AGO3: variants seen among roughly 807,000 people sequenced by gnomAD.
AGO3 encodes the protein protein argonaute-3.
A neutral mutation model predicts 105.5 loss-of-function variants in AGO3; 16 were observed. That is an observed-to-expected ratio of 0.15 (90% confidence interval 0.10 to 0.23). AGO3 has a LOEUF of 0.23. AGO3 is among the 10% of genes least tolerant of loss of function. The pLI is 1.00. For synonymous variants in AGO3, 340 were observed against 367.3 expected (o/e 0.93, Z 0.85); for missense variants, 534 against 1,088.0 (o/e 0.49, Z 7.16).
intron 11 of AGO3, among the ~76,000 whole-genome samples, chr1:36,014,348 G>C (rs1640775450): frequency 6.6e-6 from 1 of 151,758 alleles, no homozygotes; most frequent in Non-Finnish European, 1.5e-5. Context: ...AGTAGAGATG[G>C]GGTTTCACCA....
chr1:35,972,638 T>C (rs1488210832), intron 4 of AGO3, among the ~76,000 whole-genome samples: 1 of 152,066 alleles, frequency 6.6e-6, no homozygotes, highest in Non-Finnish European at 1.5e-5. Flanking sequence ...TAGGGTATGC[T>C]CCTGTGTGTG....
intron 5 of AGO3, among the ~76,000 whole-genome samples, chr1:35,994,926 A>G (rs1328486564): frequency 6.6e-6 from 1 of 152,002 alleles, no homozygotes; most frequent in Non-Finnish European, 1.5e-5. Flanking sequence ...CTATAAACTC[A>G]ATACAATAGA....
intron 2 of AGO3, among the ~76,000 whole-genome samples, chr1:35,947,153 G>A (rs1309724716): frequency 1.3e-5 from 2 of 152,162 alleles, no homozygotes; most frequent in African/African-American, 4.8e-5. Context: ...AGTAACAAAA[G>A]CATAACGGTT....
At chr1:36,028,391 T>TCCCCCCCCCCCCCC (rs771926822) in intron 12 of AGO3, among the ~76,000 whole-genome samples, 48 of 57,170 alleles carry the variant, frequency 8.4e-4, no homozygotes, top group Non-Finnish European at 1.1e-3. Context: ...ATGCTATCCC[T>TCCCCCCCCCCCCCC]CCCCCCCCCC....
In AGO3 at chr1:36,055,554, T is replaced by G. The variant is rs1213728470; in HGVS notation, c.2475-83T>G. On this transcript the variant is annotated intron_variant, in intron 18 of 18. Transcript: ENST00000373191. The surrounding 1 kb of genome is among the most constrained non-coding windows in gnomAD (Gnocchi z 4.4). ...TCTTATTTGTTAATAATTTTGAAAT[T>G]TTCTACAACAAATAGTATTTTTCGG... is the stretch of plus-strand genomic sequence containing the variant. 1 of 1,326,658 alleles carries G rather than the reference T, an allele frequency of 7.5e-7. No homozygotes were observed. The highest frequency in any genetic ancestry group is 1.5e-5 in the African/African-American group (1 of 68,790). The allele number at this position is 1,326,658 out of a possible 1,614,324, so 82.2% of individuals were successfully genotyped here.
intron 3 of AGO3, among the ~76,000 whole-genome samples, chr1:35,968,858 G>C (rs545839183): frequency 6.6e-6 from 1 of 151,498 alleles, no homozygotes; most frequent in African/African-American, 2.4e-5. Flanking sequence ...CAGTGAACAA[G>C]AGTTCCAAAC....
rs1040583794 is a variant in AGO3 at position 35,931,544 on chromosome 1, G to A, written c.19+99G>A. 8 of 1,243,858 alleles carry A rather than the reference G, an allele frequency of 6.4e-6. No homozygotes were observed. In the South Asian group the frequency reaches 1.6e-4, roughly 25 times the overall value. 77.1% of individuals were successfully genotyped at this position (1,243,858 alleles called of 1,614,324 possible). A position where few individuals can be genotyped will look rare whatever the true frequency, so the allele number is the denominator to read the frequency against. On this transcript the variant is annotated intron_variant, in intron 1 of 18. Transcript: ENST00000373191. ...CCCGGCCCAGGTGCGCGAGGTGAGCGTCGGGCGGGCATCGCTCGGTCTCCC... is the reference window on the plus strand; with the variant it reads ...CCCGGCCCAGGTGCGCGAGGTGAGCATCGGGCGGGCATCGCTCGGTCTCCC...
rs565923665 is a variant in AGO3, at chr1:36,027,793, A to G, written c.1591+495A>G. The stretch of plus-strand genomic sequence containing the variant: ...AAGTCCGTCTCAAAAAAAAAAAAAA[A>G]GGGTTTCAGTAGTGAAAAGAGGCAT... On this transcript the variant is annotated intron_variant, in intron 12 of 18. Transcript: ENST00000373191. The surrounding 1 kb of genome is among the most constrained non-coding windows in gnomAD (Gnocchi z 4.0). 1.4e-3 allele frequency among the ~76,000 whole-genome samples: 211 copies of G among 152,060 alleles called. No homozygotes were observed. Among genetic ancestry groups the G allele is most frequent in the Middle Eastern group, 3.4e-3 (1 of 294 alleles).
At chr1:36,025,905 G>A (rs1291103083) in intron 11 of AGO3, among the ~76,000 whole-genome samples, 3 of 152,140 alleles carry the variant, frequency 2.0e-5, no homozygotes, top group Non-Finnish European at 4.4e-5. Context: ...AGGCGCGGTG[G>A]CACATGCCTA....
intron 1 of AGO3, among the ~76,000 whole-genome samples, chr1:35,939,022 C>T (rs538099385): frequency 6.6e-6 from 1 of 152,194 alleles, no homozygotes; most frequent in African/African-American, 2.4e-5. Context: ...CATACAATAA[C>T]TGCTGAAAGA....
rs1249988657 is a variant in AGO3 at position 36,059,863 on chromosome 1, G to C, written c.*4118G>C. On this transcript the variant is annotated 3_prime_UTR_variant, in exon 19 of 19. Coordinates refer to ENST00000373191, the MANE Select transcript of AGO3 (RefSeq NM_024852.4). ...CCATTTTAGTTTCAATTTAATATCA[G>C]GATATTCTTTGTTTTAGAAATGTAG... The C allele has an allele frequency of 6.6e-6, 1 of 151,982 alleles. No individual in the cohort carries two copies. The highest frequency in any genetic ancestry group is 2.4e-5 in the African/African-American group (1 of 41,374). 9.4% of individuals were successfully genotyped at this position (151,982 alleles called of 1,614,324 possible). A position where few individuals can be genotyped will look rare whatever the true frequency, so the allele number is the denominator to read the frequency against.
At chr1:36,050,853 G>A (rs1642688500) in intron 17 of AGO3, among the ~76,000 whole-genome samples, 1 of 149,708 alleles carries the variant, frequency 6.7e-6, no homozygotes, top group Admixed American at 6.7e-5. Context: ...GTTTTGTTTT[G>A]TTTTGTTTTG....
intron 1 of AGO3, among the ~76,000 whole-genome samples, chr1:35,944,855 C>A (rs1307549083): frequency 6.6e-6 from 1 of 152,060 alleles, no homozygotes; most frequent in East Asian, 1.9e-4. Flanking sequence ...GTCACCCAGA[C>A]TGGAGTGCAT....
chr1:36,011,529 C>T (rs1640613626), intron 9 of AGO3, among the ~76,000 whole-genome samples: 1 of 152,076 alleles, frequency 6.6e-6, no homozygotes, highest in Admixed American at 6.6e-5. Context: ...ATAAAAGTCT[C>T]AATAACTCAC....
intron 2 of AGO3, among the ~76,000 whole-genome samples, chr1:35,953,988 A>G (rs1007140739): frequency 2.0e-5 from 3 of 152,100 alleles, no homozygotes; most frequent in Non-Finnish European, 4.4e-5. Context: ...TAAAATTTTG[A>G]TGATGTCTAA....
At chr1:35,985,288 CAAAT>C (rs1446656638) in intron 5 of AGO3, among the ~76,000 whole-genome samples, 1 of 151,938 alleles carries the variant, frequency 6.6e-6, no homozygotes, top group Non-Finnish European at 1.5e-5. Flanking sequence ...TCTCAAAAAA[CAAAT>C]AAAATAAAAT....
At chr1:36,012,816 C>T (rs1452550331) in intron 9 of AGO3, among the ~76,000 whole-genome samples, 4 of 151,974 alleles carry the variant, frequency 2.6e-5, no homozygotes, top group Non-Finnish European at 4.4e-5. Flanking sequence ...TGCCTATGTT[C>T]CCAGCTATCT....
chr1:35,958,420 G>A lies in AGO3; in HGVS notation c.192-8535G>A, dbSNP rs111807714. ...AATTTTTGTTCTACCCAGCACTTTG[G>A]GAGGCTGAGGTGGACAGATCACTTG... On this transcript the variant is annotated intron_variant, in intron 2 of 18. Coordinates refer to ENST00000373191, the MANE Select transcript of AGO3 (RefSeq NM_024852.4). Among the ~76,000 whole-genome samples the A allele has an allele frequency of 7.1e-3, 1,072 of 151,938 alleles. 11 individuals carry two copies. The highest frequency in any genetic ancestry group is 0.024 in the African/African-American group (1,005 of 41,452).
At chr1:36,026,962 T>TA (rs1338625451) in intron 11 of AGO3, 152 bp from the exon 12 acceptor site, 2 of 829,146 alleles carry the variant, frequency 2.4e-6, no homozygotes, top group Admixed American at 4.9e-5. Context: ...GACAGACCAT[T>TA]ACGCTTAACA....
Sources: gnomAD v4.1 joint callset for allele counts (sites outside exome capture counted in the v4.1 genomes callset) on GRCh38, gnomAD v4.1.1 for gene constraint, Gnocchi (gnomAD v3.1) non-coding constraint, MANE v1.5 for transcripts, NCBI Gene and HGNC (gene_info 2026-07-23, HGNC 2026-07-21) for gene names.